The following KALRN variants were observed in gnomAD, a reference collection of about 807,000 sequenced individuals.
KALRN encodes the protein kalirin RhoGEF kinase, also known as kalirin.
A neutral mutation model predicts 353.7 loss-of-function variants in KALRN; 70 were observed. That is an observed-to-expected ratio of 0.20 (90% CI 0.16 to 0.24). The LOEUF (loss-of-function observed/expected upper bound fraction) is 0.24, where lower values mean the gene tolerates loss of function less well. Among genes scored for constraint, KALRN ranks in the 10% least tolerant of loss-of-function variants. The probability of loss-of-function intolerance (pLI) is 1.00; values close to 1 mark genes in which losing one functional copy is unlikely to be tolerated. For synonymous variants in KALRN, 1,391 were observed against 1,434.8 expected (o/e 0.97, Z 0.69); for missense variants, 2,791 against 3,756.7 (o/e 0.74, Z 6.72).
intron 34 of KALRN, among the ~76,000 whole-genome samples, chr3:124,571,026 T>G (rs2073453949): frequency 6.6e-6 from 1 of 152,194 alleles, no homozygotes; most frequent in Non-Finnish European, 1.5e-5. Context: ...CCTCATATAT[T>G]GCACTGAAAT....
Position 124,269,196 on chromosome 3 carries a change from C to A in KALRN, c.910C>A (p.Arg304Ser). 1 of 1,610,968 alleles carries A rather than the reference C, an allele frequency of 6.2e-7. No individual in the cohort carries two copies. Residue 304 changes from arginine (R) to serine (S), a missense_variant, in exon 5 of 60, where the codon CGC becomes AGC. Coordinates refer to ENST00000682506, the MANE Select transcript of KALRN (RefSeq NM_001388419.1). ...RQHLHQMWHV[R>S]KLKLDQCFQL... Reference sequence around the variant, plus strand: ...GCACCTGCACCAGATGTGGCATGTGCGCAAGCTCAAGCTGGACCAGTGCTT... The same window carrying A: ...GCACCTGCACCAGATGTGGCATGTGAGCAAGCTCAAGCTGGACCAGTGCTT...
chr3:124,507,236 C>T (rs999203620), intron 33 of KALRN, among the ~76,000 whole-genome samples: 9 of 152,236 alleles, frequency 5.9e-5, no homozygotes, highest in South Asian at 2.1e-4. Flanking sequence ...AAAATGAGAA[C>T]GGTCACGGTT....
At chr3:124,456,459 G>C in intron 22 of KALRN, 151 bp from the exon 23 acceptor site, 1 of 431,158 alleles carries the variant, frequency 2.3e-6, no homozygotes, top group Admixed American at 3.9e-5. Context: ...CCATGAAGAA[G>C]AGTGCTTATG....
chr3:124,465,328 C>T (rs1266956771), intron 25 of KALRN, among the ~76,000 whole-genome samples: 1 of 152,090 alleles, frequency 6.6e-6, no homozygotes, highest in Non-Finnish European at 1.5e-5. Flanking sequence ...TCTTTCACTG[C>T]ATAATCAGGT....
At chr3:124,202,917 G>A (rs1372620951) in intron 1 of KALRN, among the ~76,000 whole-genome samples, 1 of 152,096 alleles carries the variant, frequency 6.6e-6, no homozygotes, top group Non-Finnish European at 1.5e-5. Flanking sequence ...CATCTCATTT[G>A]CAGTGTGTCG....
intron 39 of KALRN, among the ~76,000 whole-genome samples, chr3:124,656,513 A>G (rs1324038701): frequency 3.9e-5 from 6 of 152,212 alleles, no homozygotes; most frequent in Non-Finnish European, 8.8e-5. Flanking sequence ...CAGGAGGCCG[A>G]GGCAGGAGAA....
rs887539322 is a variant in KALRN, at chr3:124,724,392, G to A, written c.*4922G>A. The stretch of plus-strand genomic sequence containing the variant: ...TTCTCTCCTGGGTCGCACCTCTGTG[G>A]AGTCTGGGTTAGACAAATGCAATAT... On this transcript the variant is annotated 3_prime_UTR_variant, in exon 60 of 60. Transcript: ENST00000682506. The A allele has an allele frequency of 6.6e-6, 1 of 152,026 alleles. No individual in the cohort carries two copies. Among genetic ancestry groups the A allele is most frequent in the African/African-American group, 2.4e-5 (1 of 41,382 alleles). 9.4% of individuals were successfully genotyped at this position (152,026 alleles called of 1,614,324 possible). A position where few individuals can be genotyped will look rare whatever the true frequency, so the allele number is the denominator to read the frequency against.
At chr3:124,274,798 G>A (rs900130451) in intron 5 of KALRN, among the ~76,000 whole-genome samples, 8 of 151,990 alleles carry the variant, frequency 5.3e-5, no homozygotes, top group South Asian at 2.1e-4. Flanking sequence ...TGTGGCCTCC[G>A]TGGCTGCCTA....
chr3:124,638,294 A>C lies in KALRN; in HGVS notation c.5664+991A>C, dbSNP rs146164238. 9.2e-5 allele frequency among the ~76,000 whole-genome samples: 14 copies of C among 151,816 alleles called. No individual in the cohort carries two copies. The East Asian group carries it at 2.7e-3, about 30-fold the overall frequency. ...ATACTATATGAATGAGGTTTAATAC[A>C]TATGAGTTTATTCTTTTCCTGCTAA... is the stretch of plus-strand genomic sequence containing the variant. On this transcript the variant is annotated intron_variant, in intron 37 of 59. Transcript: ENST00000682506.
At chr3:124,562,437 A>G (rs1309764673) in intron 33 of KALRN, among the ~76,000 whole-genome samples, 4 of 152,144 alleles carry the variant, frequency 2.6e-5, no homozygotes. Flanking sequence ...GGCACAGGGT[A>G]GAACCCTTGG....
At chr3:124,224,574 C>T (rs1007041255) in intron 1 of KALRN, among the ~76,000 whole-genome samples, 1 of 152,150 alleles carries the variant, frequency 6.6e-6, no homozygotes, top group African/African-American at 2.4e-5. Flanking sequence ...TTGCCTTCTT[C>T]AAGAGATTAA....
intron 45 of KALRN, among the ~76,000 whole-genome samples, chr3:124,664,362 T>TGC (rs199832527): frequency 0.035 from 4,206 of 119,898 alleles, 110 homozygotes; most frequent in Middle Eastern, 0.094. Context: ...TGTGTGTGTG[T>TGC]GTGTGTGTGC....
chr3:124,243,200 T>C (rs1579933275), intron 3 of KALRN, among the ~76,000 whole-genome samples: 1 of 152,214 alleles, frequency 6.6e-6, no homozygotes, highest in East Asian at 1.9e-4. Flanking sequence ...GGCTCCTTCA[T>C]TTCCATGGCC....
Position 124,334,321 on chromosome 3 carries a change from G to A in KALRN, c.1473G>A (p.Gly491=). The change falls in exon 9 of 60, where the codon GGG becomes GGA. Residue 491 remains glycine (G), a synonymous_variant. Transcript: ENST00000682506. The surrounding 1 kb of genome is among the most constrained non-coding windows in gnomAD (Gnocchi z 4.2). ...TGCTGCAGCGGCCCCTGAGCCCTGGGAACTCCGAATCCCTCACGGCCACAG... is the reference window on the plus strand; with the variant it reads ...TGCTGCAGCGGCCCCTGAGCCCTGGAAACTCCGAATCCCTCACGGCCACAG... ...LDVLQRPLSP[G]NSESLTATAN... is the part of the protein sequence containing the mutation. The A allele has an allele frequency of 6.2e-7, 1 of 1,614,240 alleles. No homozygotes were observed. Among genetic ancestry groups the A allele is most frequent in the Non-Finnish European group, 8.5e-7 (1 of 1,180,052 alleles).
At chr3:124,550,051 A>T (rs2070278693) in intron 33 of KALRN, among the ~76,000 whole-genome samples, 1 of 152,192 alleles carries the variant, frequency 6.6e-6, no homozygotes, top group Non-Finnish European at 1.5e-5. Context: ...GGACAGTGGG[A>T]GAGACCAGTT....
intron 37 of KALRN, among the ~76,000 whole-genome samples, chr3:124,642,639 C>G (rs570482934): frequency 6.6e-6 from 1 of 151,984 alleles, no homozygotes; most frequent in African/African-American, 2.4e-5. Flanking sequence ...TGCTTTGCCC[C>G]CCTTTAGAAG....
chr3:124,479,176 A>G (rs1208254596), intron 27 of KALRN, among the ~76,000 whole-genome samples: 2 of 152,174 alleles, frequency 1.3e-5, no homozygotes, highest in African/African-American at 2.4e-5. Flanking sequence ...TTAGTACTAC[A>G]TACCTCGCAT....
chr3:124,118,179 T>G (rs928529982), intron 1 of KALRN, among the ~76,000 whole-genome samples: 1 of 151,930 alleles, frequency 6.6e-6, no homozygotes, highest in African/African-American at 2.4e-5. Flanking sequence ...TCCGTGGAGA[T>G]GAAGGAGACA....
intron 10 of KALRN, among the ~76,000 whole-genome samples, chr3:124,363,054 A>G (rs1262950474): frequency 1.3e-5 from 2 of 152,254 alleles, no homozygotes; most frequent in Non-Finnish European, 2.9e-5. Flanking sequence ...TATTACATAC[A>G]GGTATCAAAA....
Sources: gnomAD v4.1 joint callset for allele counts (sites outside exome capture counted in the v4.1 genomes callset) on GRCh38, gnomAD v4.1.1 for gene constraint, Gnocchi (gnomAD v3.1) non-coding constraint, MANE v1.5 for transcripts, NCBI Gene and HGNC (gene_info 2026-07-23, HGNC 2026-07-21) for gene names.